Variants in AGBL1 observed in about 807,000 individuals in gnomAD.
The protein encoded by AGBL1 is AGBL carboxypeptidase 1.
Under a neutral mutation model 118.9 loss-of-function variants are expected in AGBL1, and 130 were observed. The observed-to-expected ratio is 1.09, with a 90% CI of 0.95 to 1.26. The LOEUF is 1.26. AGBL1 is among the 50% of genes most tolerant of loss of function. The pLI is 0.00. For missense variants in AGBL1, 1,584 were observed against 1,298.1 expected, an observed-to-expected ratio of 1.22 and a Z score of -3.38; for synonymous variants, 555 against 478.9, an observed-to-expected ratio of 1.16 and a Z score of -2.08.
rs1028423615 is a variant in AGBL1 at position 86,987,094 on chromosome 15, C to A, written c.3222-893C>A. On this transcript the variant is annotated intron_variant, in intron 23 of 24. Transcript: ENST00000441037. ...TAATGTCATCAGTTAAGGCAAGGAC[C>A]GGCCATTTTCACTTCTTTTGTGGTG... 2.0e-5 allele frequency among the ~76,000 whole-genome samples: 3 copies of A among 152,148 alleles called. No homozygotes were observed. In the East Asian group the frequency reaches 5.8e-4, roughly 29 times the overall value.
intron 22 of AGBL1, among the ~76,000 whole-genome samples, chr15:86,724,961 C>G (rs1363594080): frequency 6.6e-6 from 1 of 152,126 alleles, no homozygotes; most frequent in Non-Finnish European, 1.5e-5. Context: ...CCAATTAAAC[C>G]TTGTTTCTTT....
chr15:86,959,525 G>C (rs1453126854), intron 23 of AGBL1, among the ~76,000 whole-genome samples: 2 of 151,612 alleles, frequency 1.3e-5, no homozygotes, highest in African/African-American at 2.4e-5. Context: ...TTGCTTATGA[G>C]ATCATCATTA....
chr15:86,820,591 A>G (rs1231856275), intron 22 of AGBL1, among the ~76,000 whole-genome samples: 5 of 152,210 alleles, frequency 3.3e-5, no homozygotes, highest in South Asian at 2.1e-4. Flanking sequence ...GCTCATCACC[A>G]TGTGGACATT....
At chr15:86,840,770 ATTATT>A (rs1451608671) in intron 22 of AGBL1, among the ~76,000 whole-genome samples, 1 of 152,082 alleles carries the variant, frequency 6.6e-6, no homozygotes, top group Non-Finnish European at 1.5e-5. Flanking sequence ...AGACAGGTAT[ATTATT>A]TTATTCTCAT....
chr15:86,877,669 T>G (rs2079829582), intron 22 of AGBL1, among the ~76,000 whole-genome samples: 1 of 152,114 alleles, frequency 6.6e-6, no homozygotes, highest in South Asian at 2.1e-4. Flanking sequence ...TGGGAGACAA[T>G]GAGATTTATC....
chr15:86,992,394 A>G (rs187060860), intron 24 of AGBL1, among the ~76,000 whole-genome samples: 1 of 152,308 alleles, frequency 6.6e-6, no homozygotes, highest in East Asian at 1.9e-4. Context: ...TAGTTAATGC[A>G]AAAATACATT....
intron 23 of AGBL1, among the ~76,000 whole-genome samples, chr15:86,926,011 C>T (rs748593768): frequency 1.3e-4 from 19 of 151,938 alleles, no homozygotes; most frequent in South Asian, 2.1e-4. Flanking sequence ...ATTATAGGTG[C>T]GAAAAGGAGA....
At chr15:86,990,515 GA>G (rs201876249) in intron 24 of AGBL1, among the ~76,000 whole-genome samples, 4 of 147,232 alleles carry the variant, frequency 2.7e-5, no homozygotes, top group East Asian at 2.0e-4. Context: ...CTCCATCTCA[GA>G]AAAAAAAAAG....
chr15:86,534,099 A>G (rs1183919704), intron 19 of AGBL1, among the ~76,000 whole-genome samples: 2 of 122,356 alleles, frequency 1.6e-5, no homozygotes, highest in South Asian at 2.6e-4. Flanking sequence ...GTACCCTAAA[A>G]CTTAAAGTAT....
intron 17 of AGBL1, among the ~76,000 whole-genome samples, chr15:86,369,522 G>C (rs1340771947): frequency 1.3e-5 from 2 of 152,122 alleles, no homozygotes; most frequent in Non-Finnish European, 2.9e-5. Context: ...AACAAAAACA[G>C]ACTGATAAAC....
intron 20 of AGBL1, among the ~76,000 whole-genome samples, chr15:86,553,980 C>T (rs2083697250): frequency 6.6e-6 from 1 of 152,186 alleles, no homozygotes; most frequent in South Asian, 2.1e-4. Context: ...CCTACCTCAG[C>T]CTCCTGAGTA....
intron 1 of AGBL1, among the ~76,000 whole-genome samples, chr15:86,106,383 A>G (rs958285842): frequency 6.6e-6 from 1 of 152,218 alleles, no homozygotes; most frequent in East Asian, 1.9e-4. Flanking sequence ...GATATAATGC[A>G]GAAGATTTTT....
intron 22 of AGBL1, among the ~76,000 whole-genome samples, chr15:86,829,493 G>T (rs1400663118): frequency 3.3e-5 from 5 of 152,122 alleles, no homozygotes; most frequent in African/African-American, 1.2e-4. Context: ...GAGAGTCACA[G>T]TTCACATGCC....
chr15:86,881,720 C>T (rs1204954078), intron 22 of AGBL1, among the ~76,000 whole-genome samples: 3 of 152,100 alleles, frequency 2.0e-5, no homozygotes, highest in Admixed American at 6.6e-5. Flanking sequence ...CTGCAACCTC[C>T]GCCTCCCGGG....
chr15:86,875,741 T>G (rs2079797565), intron 22 of AGBL1, among the ~76,000 whole-genome samples: 1 of 152,172 alleles, frequency 6.6e-6, no homozygotes, highest in Non-Finnish European at 1.5e-5. Flanking sequence ...CTATTACCAT[T>G]GAGAATGGGG....
At chr15:86,196,945 A>G (rs1181656339) in intron 5 of AGBL1, among the ~76,000 whole-genome samples, 1 of 151,560 alleles carries the variant, frequency 6.6e-6, no homozygotes, top group African/African-American at 2.4e-5. Context: ...ATATGAGGAC[A>G]TGCTGAGAAG....
At chr15:86,784,097 C>G (rs2078373055) in intron 22 of AGBL1, among the ~76,000 whole-genome samples, 1 of 152,104 alleles carries the variant, frequency 6.6e-6, no homozygotes, top group South Asian at 2.1e-4. Context: ...AGTTCCCTGT[C>G]TGTAATATGT....
At chr15:86,983,087 T>C (rs2081247856) in intron 23 of AGBL1, among the ~76,000 whole-genome samples, 1 of 152,182 alleles carries the variant, frequency 6.6e-6, no homozygotes, top group African/African-American at 2.4e-5. Flanking sequence ...TTTGTTTTTG[T>C]TGTGATAATT....
chr15:86,694,850 A>T (rs909833887), intron 22 of AGBL1, among the ~76,000 whole-genome samples: 5 of 152,098 alleles, frequency 3.3e-5, no homozygotes, highest in African/African-American at 1.2e-4. Context: ...TATTGAGATG[A>T]TCATGTGATT....
Sources: gnomAD v4.1 joint callset for allele counts (sites outside exome capture counted in the v4.1 genomes callset) on GRCh38, gnomAD v4.1.1 for gene constraint, MANE v1.5 for transcripts, NCBI Gene and HGNC (gene_info 2026-07-23, HGNC 2026-07-21) for gene names.